The following RNGTT variants were observed in gnomAD, a reference collection of about 807,000 sequenced individuals.
The protein encoded by RNGTT is RNA guanylyltransferase and 5'-phosphatase, also known as mRNA-capping enzyme.
In RNGTT, 33 loss-of-function variants were observed where a neutral mutation model predicts 79.3. The ratio of observed to expected loss-of-function variants is 0.42; its 90% CI spans 0.32 to 0.56. The LOEUF (loss-of-function observed/expected upper bound fraction) is 0.56, where lower values mean the gene tolerates loss of function less well. RNGTT is among the 20% of genes least tolerant of loss of function. RNGTT has a pLI of 0.17. For synonymous variants in RNGTT, 222 were observed against 235.9 expected, an observed-to-expected ratio of 0.94 and a Z score of 0.54; for missense variants, 497 against 739.1, an observed-to-expected ratio of 0.67 and a Z score of 3.80.
At position 88,891,828 on chromosome 6, in the gene RNGTT, G is replaced by T. The variant is rs1301234807; in HGVS notation, c.772C>A (p.His258Asn). The T allele has an allele frequency of 6.3e-7, 1 of 1,586,448 alleles. No homozygotes were observed. The change falls in exon 7 of 16, where the codon CAT (histidine) becomes AAT (asparagine). Residue 258 changes from histidine (H) to asparagine (N), a missense_variant. Physicochemically the swap from His to Asn is moderately conservative, Grantham distance 68. This residue lies in a region of RNGTT where 440 missense variants were observed against 671.5 expected (regional missense o/e 0.66). Coordinates refer to ENST00000369485, the MANE Select transcript of RNGTT (RefSeq NM_003800.5). ...TACCCTTCCCAGCCACAGAATTGAT[G>T]ACACTTCTGCTGTACCTCTCCTAAC... ...PKLGEVQQKC[H>N]QFCGWEGSGF...
intron 10 of RNGTT, among the ~76,000 whole-genome samples, chr6:88,847,817 A>G (rs1408168316): frequency 6.6e-6 from 1 of 152,046 alleles, no homozygotes; most frequent in Non-Finnish European, 1.5e-5. Context: ...TGGAAAACAT[A>G]TTGCCACACA....
At chr6:88,632,330 C>T (rs376044964) in intron 14 of RNGTT, among the ~76,000 whole-genome samples, 9 of 152,226 alleles carry the variant, frequency 5.9e-5, no homozygotes, top group Admixed American at 4.6e-4. Flanking sequence ...AAGCATATGC[C>T]TCTTTGGGTG....
At chr6:88,619,170 CTTT>C (rs1006255202) in intron 14 of RNGTT, among the ~76,000 whole-genome samples, 1 of 146,994 alleles carries the variant, frequency 6.8e-6, no homozygotes, top group South Asian at 2.1e-4. Context: ...ACAGATTTTT[CTTT>C]TTTTTTTTCT....
intron 8 of RNGTT, among the ~76,000 whole-genome samples, chr6:88,860,920 G>A (rs146501868): frequency 2.6e-4 from 39 of 151,544 alleles, no homozygotes; most frequent in Non-Finnish European, 5.0e-4. Context: ...TGCCTATGAT[G>A]AAATCCCACT....
intron 14 of RNGTT, among the ~76,000 whole-genome samples, chr6:88,661,514 C>CA (rs751455489): frequency 3.0e-4 from 45 of 151,880 alleles, no homozygotes; most frequent in Non-Finnish European, 4.4e-4. Flanking sequence ...CACAGAAATA[C>CA]AAAAAAATCA....
At chr6:88,892,589 G>A (rs966836130) in intron 6 of RNGTT, among the ~76,000 whole-genome samples, 4 of 151,894 alleles carry the variant, frequency 2.6e-5, no homozygotes, top group Non-Finnish European at 5.9e-5. Flanking sequence ...ATATCACAGC[G>A]AAGTAAAGCA....
intron 1 of RNGTT, among the ~76,000 whole-genome samples, chr6:88,954,984 G>T (rs1005263721): frequency 5.9e-5 from 9 of 151,892 alleles, no homozygotes; most frequent in Admixed American, 3.3e-4. Flanking sequence ...TTTGAACCTG[G>T]GAGGCAGAGG....
intron 8 of RNGTT, among the ~76,000 whole-genome samples, chr6:88,888,714 A>T (rs1019267061): frequency 5.3e-5 from 8 of 152,226 alleles, no homozygotes; most frequent in Non-Finnish European, 7.3e-5. Flanking sequence ...AACTACTTGA[A>T]TTAGTACACA....
intron 4 of RNGTT, among the ~76,000 whole-genome samples, chr6:88,909,695 C>T (rs1448556533): frequency 6.6e-6 from 1 of 152,186 alleles, no homozygotes; most frequent in African/African-American, 2.4e-5. Context: ...CTCTCCAGAG[C>T]ACTGCTGAGG....
At chr6:88,638,391 G>A (rs1773180614) in intron 14 of RNGTT, among the ~76,000 whole-genome samples, 1 of 152,092 alleles carries the variant, frequency 6.6e-6, no homozygotes, top group South Asian at 2.1e-4. Flanking sequence ...TCCCATGCAA[G>A]CCTCATGTTT....
intron 13 of RNGTT, among the ~76,000 whole-genome samples, chr6:88,754,554 T>C (rs1042632439): frequency 1.3e-5 from 2 of 152,118 alleles, no homozygotes; most frequent in African/African-American, 2.4e-5. Context: ...AAAATGGGAA[T>C]AAAGTAACTT....
In RNGTT at chr6:88,689,549, G is replaced by T. The variant is rs145310981; in HGVS notation, c.1440-11130C>A. The stretch of plus-strand genomic sequence containing the variant: ...GCGGAGGTTGCAGTGAGCCGAGATC[G>T]CGCCATTGCACTCCAGCCTGGGGCA... On this transcript the variant is annotated intron_variant, in intron 13 of 15. Transcript: ENST00000369485. 3.7e-3 allele frequency among the ~76,000 whole-genome samples: 556 copies of T among 149,216 alleles called. 5 individuals carry two copies. Among genetic ancestry groups the T allele is most frequent in the African/African-American group, 0.013 (540 of 40,234 alleles).
chr6:88,846,282 T>C (rs1781479552), intron 10 of RNGTT, among the ~76,000 whole-genome samples: 1 of 152,220 alleles, frequency 6.6e-6, no homozygotes, highest in South Asian at 2.1e-4. Context: ...CTGCCACTAG[T>C]TATCTTTCAA....
chr6:88,952,918 G>C (rs183177912), intron 1 of RNGTT, among the ~76,000 whole-genome samples: 1 of 152,190 alleles, frequency 6.6e-6, no homozygotes, highest in African/African-American at 2.4e-5. Flanking sequence ...CCTAGAGGAA[G>C]GGAGAGAGCA....
chr6:88,840,573 A>G (rs1440907376), intron 11 of RNGTT, among the ~76,000 whole-genome samples: 1 of 152,012 alleles, frequency 6.6e-6, no homozygotes, highest in Non-Finnish European at 1.5e-5. Context: ...ATTTTCTAGT[A>G]TTTTTTGTAG....
intron 13 of RNGTT, among the ~76,000 whole-genome samples, chr6:88,693,234 A>G (rs1285602176): frequency 6.6e-6 from 1 of 152,082 alleles, no homozygotes; most frequent in Non-Finnish European, 1.5e-5. Flanking sequence ...ACCCTTACCT[A>G]GACTGAGAAA....
rs375155215 is a variant in RNGTT at position 88,782,577 on chromosome 6, G to C, written c.1339-12703C>G. Among the ~76,000 whole-genome samples the C allele has an allele frequency of 3.8e-4, 57 of 150,798 alleles. 2 individuals are homozygous for C. Among genetic ancestry groups the C allele is most frequent in the African/African-American group, 1.4e-3 (55 of 40,244 alleles). On this transcript the variant is annotated intron_variant, in intron 12 of 15. Transcript: ENST00000369485. ...GACTATATCAAACTAAAAACCTTCTGCACAGCAAAAGAAACAATGAACAAA... is the reference window on the plus strand; with the variant it reads ...GACTATATCAAACTAAAAACCTTCTCCACAGCAAAAGAAACAATGAACAAA...
At chr6:88,885,809 A>T (rs1032942852) in intron 8 of RNGTT, among the ~76,000 whole-genome samples, 1 of 152,242 alleles carries the variant, frequency 6.6e-6, no homozygotes, top group African/African-American at 2.4e-5. Context: ...AAGAGATCAA[A>T]GTTAACATCA....
intron 1 of RNGTT, among the ~76,000 whole-genome samples, chr6:88,958,544 T>A (rs1785508868): frequency 6.6e-6 from 1 of 151,686 alleles, no homozygotes; most frequent in Non-Finnish European, 1.5e-5. Flanking sequence ...AATAATCCCA[T>A]CAAAAAGTGG....
Sources: gnomAD v4.1 joint callset for allele counts (sites outside exome capture counted in the v4.1 genomes callset) on GRCh38, gnomAD v4.1.1 for gene constraint, gnomAD v4.1.1 regional missense constraint, MANE v1.5 for transcripts, NCBI Gene and HGNC (gene_info 2026-07-23, HGNC 2026-07-21) for gene names.